Variants in UBE2E2 observed in about 807,000 individuals in gnomAD.
UBE2E2 encodes the protein ubiquitin conjugating enzyme E2 E2.
UBE2E2 carries 6 observed loss-of-function variants against 24.7 expected under a neutral mutation model. The ratio of observed to expected loss-of-function variants is 0.24; its 90% CI spans 0.13 to 0.48. The LOEUF (loss-of-function observed/expected upper bound fraction) is 0.48. Among genes scored for constraint, UBE2E2 ranks in the 20% least tolerant of loss-of-function variants. The pLI is 0.99. For synonymous variants in UBE2E2, 104 were observed against 83.6 expected (o/e 1.24, Z -1.33); for missense variants, 169 against 245.0 (o/e 0.69, Z 2.07).
intron 5 of UBE2E2, among the ~76,000 whole-genome samples, chr3:23,562,918 C>T (rs1159172435): frequency 4.6e-5 from 7 of 152,006 alleles, no homozygotes; most frequent in South Asian, 2.1e-4. Context: ...TAGTGATATC[C>T]CCTTTATCGT....
chr3:23,276,718 A>C (rs996284845), intron 3 of UBE2E2, among the ~76,000 whole-genome samples: 2 of 152,076 alleles, frequency 1.3e-5, no homozygotes, highest in Non-Finnish European at 2.9e-5. Context: ...CTATTTTATA[A>C]AAAATAAAAT....
chr3:23,278,218 TTATG>T (rs1464467583), intron 3 of UBE2E2, among the ~76,000 whole-genome samples: 2 of 152,132 alleles, frequency 1.3e-5, no homozygotes, highest in Non-Finnish European at 2.9e-5. Flanking sequence ...CATAATTAAG[TTATG>T]TATGTATGAA....
intron 3 of UBE2E2, among the ~76,000 whole-genome samples, chr3:23,462,788 G>C (rs755884788): frequency 1.1e-4 from 16 of 152,114 alleles, no homozygotes; most frequent in Admixed American, 4.6e-4. Context: ...AAGAGTTACA[G>C]TTCTTTTACG....
intron 3 of UBE2E2, among the ~76,000 whole-genome samples, chr3:23,335,281 A>G (rs1676483233): frequency 6.6e-6 from 1 of 152,176 alleles, no homozygotes; most frequent in Non-Finnish European, 1.5e-5. Context: ...GACGAAGAAA[A>G]AATAAAAATA....
intron 3 of UBE2E2, among the ~76,000 whole-genome samples, chr3:23,349,066 G>T (rs938681165): frequency 2.6e-4 from 40 of 152,254 alleles, no homozygotes; most frequent in African/African-American, 9.1e-4. Flanking sequence ...GTTTCAAGAG[G>T]GAGGAGGAGG....
At chr3:23,554,912 A>G (rs2125500731) in intron 5 of UBE2E2, among the ~76,000 whole-genome samples, 1 of 152,044 alleles carries the variant, frequency 6.6e-6, no homozygotes, top group Admixed American at 6.6e-5. Context: ...GGACCTGAAT[A>G]TACCTTTTTT....
At chr3:23,544,843 A>G (rs918858322) in intron 5 of UBE2E2, among the ~76,000 whole-genome samples, 7 of 152,184 alleles carry the variant, frequency 4.6e-5, no homozygotes, top group Non-Finnish European at 8.8e-5. Flanking sequence ...TTTATTGATC[A>G]TTTGTGGGTG....
chr3:23,497,181 C>T (rs566061405), intron 3 of UBE2E2, among the ~76,000 whole-genome samples: 2 of 152,256 alleles, frequency 1.3e-5, no homozygotes, highest in Non-Finnish European at 2.9e-5. Flanking sequence ...TCAAGTAATT[C>T]AACTTTTTCT....
At chr3:23,426,543 A>G (rs111999494) in intron 3 of UBE2E2, among the ~76,000 whole-genome samples, 1 of 152,164 alleles carries the variant, frequency 6.6e-6, no homozygotes, top group African/African-American at 2.4e-5. Context: ...ATTATATCCA[A>G]CATTTCCTCA....
chr3:23,354,457 G>A (rs1695874069), intron 3 of UBE2E2, among the ~76,000 whole-genome samples: 1 of 152,126 alleles, frequency 6.6e-6, no homozygotes, highest in African/African-American at 2.4e-5. Context: ...CCTGCAAAAT[G>A]GGTGAAAATT....
intron 4 of UBE2E2, among the ~76,000 whole-genome samples, chr3:23,514,493 C>T (rs1465542215): frequency 6.6e-6 from 1 of 152,144 alleles, no homozygotes; most frequent in African/African-American, 2.4e-5. Flanking sequence ...CATATCTAAT[C>T]ATATCTAATT....
At chr3:23,501,777 C>A (rs1699725608) in intron 4 of UBE2E2, among the ~76,000 whole-genome samples, 2 of 152,214 alleles carry the variant, frequency 1.3e-5, no homozygotes, top group Non-Finnish European at 2.9e-5. Flanking sequence ...TTGTGTGTAG[C>A]TCTACCTCTG....
At chr3:23,372,610 CTG>C (rs1414704010) in intron 3 of UBE2E2, among the ~76,000 whole-genome samples, 1 of 152,146 alleles carries the variant, frequency 6.6e-6, no homozygotes, top group Non-Finnish European at 1.5e-5. Flanking sequence ...CAGTGAAAGA[CTG>C]TAGTACAGAT....
intron 3 of UBE2E2, among the ~76,000 whole-genome samples, chr3:23,436,613 G>A (rs1445300711): frequency 2.0e-5 from 3 of 151,006 alleles, no homozygotes; most frequent in Non-Finnish European, 2.9e-5. Flanking sequence ...CGATTGAGCC[G>A]CTACACTCCA....
intron 3 of UBE2E2, among the ~76,000 whole-genome samples, chr3:23,239,168 G>A (rs1697192209): frequency 6.6e-6 from 1 of 152,056 alleles, no homozygotes. Flanking sequence ...CTCAACCTCA[G>A]TTATGATACC....
At chr3:23,269,390 C>G (rs1973400) in intron 3 of UBE2E2, among the ~76,000 whole-genome samples, 3 of 151,896 alleles carry the variant, frequency 2.0e-5, no homozygotes, top group African/African-American at 7.3e-5. Context: ...TGGCGTGTAG[C>G]GTTAAAAGCT....
intron 3 of UBE2E2, among the ~76,000 whole-genome samples, chr3:23,469,367 C>T (rs1466524095): frequency 6.6e-6 from 1 of 152,152 alleles, no homozygotes; most frequent in Non-Finnish European, 1.5e-5. Context: ...TTTTTAAGCT[C>T]ACTAGGGATT....
intron 3 of UBE2E2, among the ~76,000 whole-genome samples, chr3:23,351,063 G>C (rs1695733822): frequency 6.6e-6 from 1 of 152,232 alleles, no homozygotes; most frequent in African/African-American, 2.4e-5. Context: ...CAAGCCAGAA[G>C]AGAGTGGGGA....
chr3:23,442,604 A>G lies in UBE2E2; in HGVS notation c.228-57004A>G, dbSNP rs148664785. ...CACTGAGCTTTCTGTGTTGTTTTCTATAAGATCTTATAAAAGCCTGTTTTA... is the reference window on the plus strand; with the variant it reads ...CACTGAGCTTTCTGTGTTGTTTTCTGTAAGATCTTATAAAAGCCTGTTTTA... On this transcript the variant is annotated intron_variant, in intron 3 of 5. Transcript: ENST00000396703. Among the ~76,000 whole-genome samples, 13 of 152,312 alleles carry G rather than the reference A, an allele frequency of 8.5e-5. No individual in the cohort carries two copies. In the East Asian group the frequency reaches 2.1e-3, roughly 25 times the overall value.
Sources: allele counts gnomAD v4.1 joint callset (sites outside exome capture counted in the v4.1 genomes callset), GRCh38; gene constraint gnomAD v4.1.1; transcripts MANE v1.5; gene names NCBI Gene and HGNC (gene_info 2026-07-23, HGNC 2026-07-21).